The following NBAS variants were observed in gnomAD, a reference collection of about 807,000 sequenced individuals.
NBAS encodes the protein NAG/BC035112 fusion.
Under a neutral mutation model 302.5 loss-of-function variants are expected in NBAS, and 219 were observed. The ratio of observed to expected loss-of-function variants is 0.72; its 90% CI spans 0.65 to 0.81. The LOEUF (loss-of-function observed/expected upper bound fraction) is 0.81. NBAS is among the 30% of genes least tolerant of loss of function. The pLI is 0.00. For synonymous variants in NBAS, 1,118 were observed against 1,021.6 expected (o/e 1.09, Z -1.80); for missense variants, 2,932 against 2,841.6 (o/e 1.03, Z -0.72).
the NBAS span, among the ~76,000 whole-genome samples, chr2:14,831,871 T>C: frequency 6.6e-6 from 1 of 152,196 alleles, no homozygotes; most frequent in Non-Finnish European, 1.5e-5. Context: ...GCCTGGTGCA[T>C]TGTAGATACT....
At chr2:15,445,941 T>C (rs1253397223) in intron 21 of NBAS, among the ~76,000 whole-genome samples, 1 of 151,124 alleles carries the variant, frequency 6.6e-6, no homozygotes, top group East Asian at 1.9e-4. Context: ...GCATCAATTA[T>C]AGACAAGTCA....
chr2:15,158,797 T>C, the NBAS span, among the ~76,000 whole-genome samples: 1 of 152,120 alleles, frequency 6.6e-6, no homozygotes, highest in Admixed American at 6.5e-5. Context: ...AGAATGCCCT[T>C]CTGGAGGGGG....
At chr2:15,339,813 G>A (rs1309467168) in intron 35 of NBAS, among the ~76,000 whole-genome samples, 2 of 151,850 alleles carry the variant, frequency 1.3e-5, no homozygotes, top group African/African-American at 4.8e-5. Flanking sequence ...GAAGTGAGAG[G>A]ATAAGTCATA....
the NBAS span, among the ~76,000 whole-genome samples, chr2:14,786,858 T>C: frequency 0.016 from 2,361 of 152,274 alleles, 34 homozygotes; most frequent in Non-Finnish European, 0.023. Context: ...CAGAGCTGAG[T>C]TCAATTCCTG....
At chr2:15,539,093 C>T (rs1405413611) in intron 7 of NBAS, 130 bp downstream of exon 7, 16 of 1,216,892 alleles carry the variant, frequency 1.3e-5, no homozygotes, top group Non-Finnish European at 7.1e-6. Context: ...AGATTCTGGG[C>T]GTCTTAAGTC....
intron 48 of NBAS, among the ~76,000 whole-genome samples, chr2:15,212,241 C>T (rs1666445819): frequency 1.3e-5 from 2 of 151,890 alleles, no homozygotes; most frequent in African/African-American, 2.4e-5. Context: ...CCAGCCAGAC[C>T]TCTCCAGTCC....
the NBAS span, among the ~76,000 whole-genome samples, chr2:15,038,649 G>A: frequency 2.6e-5 from 4 of 152,124 alleles, no homozygotes; most frequent in South Asian, 6.2e-4. Flanking sequence ...TGTCAGGTGG[G>A]TTTGCAGAGT....
At chr2:15,276,718 A>T in intron 43 of NBAS, 133 bp downstream of exon 43, 1 of 1,321,412 alleles carries the variant, frequency 7.6e-7, no homozygotes, top group East Asian at 2.5e-5. Flanking sequence ...ATAATAACTA[A>T]AGTCGATTAG....
chr2:14,813,926 C>T, the NBAS span, among the ~76,000 whole-genome samples: 80 of 152,318 alleles, frequency 5.3e-4, no homozygotes, highest in Non-Finnish European at 7.2e-4. Flanking sequence ...CCCCACTGTT[C>T]GAAGCAGCCT....
At chr2:15,205,544 C>T (rs10195777) in intron 48 of NBAS, among the ~76,000 whole-genome samples, 37,474 of 151,720 alleles carry the variant, frequency 0.25, 4,712 homozygotes, top group Middle Eastern at 0.31. Flanking sequence ...ACAACATACG[C>T]TCAAAATAAA....
At chr2:15,482,772 T>C (rs1680482265) in intron 12 of NBAS, among the ~76,000 whole-genome samples, 1 of 152,146 alleles carries the variant, frequency 6.6e-6, no homozygotes, top group South Asian at 2.1e-4. Context: ...AATTTATCTT[T>C]ACATCTTCCA....
the NBAS span, among the ~76,000 whole-genome samples, chr2:15,029,363 C>T: frequency 6.6e-6 from 1 of 152,168 alleles, no homozygotes; most frequent in Admixed American, 6.5e-5. Flanking sequence ...ATCCTGAAAT[C>T]AGCTGATACA....
the NBAS span, among the ~76,000 whole-genome samples, chr2:15,157,852 T>C: frequency 1.3e-5 from 2 of 152,210 alleles, no homozygotes; most frequent in African/African-American, 4.8e-5. Context: ...TAGCCTCCCT[T>C]GCCTCTGTGT....
At chr2:14,855,080 C>T in the NBAS span, among the ~76,000 whole-genome samples, 47 of 152,036 alleles carry the variant, frequency 3.1e-4, no homozygotes, top group Non-Finnish European at 5.6e-4. Flanking sequence ...AGGATACACC[C>T]CAGCCACAGC....
intron 25 of NBAS, among the ~76,000 whole-genome samples, chr2:15,413,563 A>AAAG (rs1676783417): frequency 6.6e-6 from 1 of 152,232 alleles, no homozygotes; most frequent in African/African-American, 2.4e-5. Context: ...CAAAGGAAAC[A>AAAG]GTCTGTAACA....
At chr2:15,126,060 G>A in the NBAS span, among the ~76,000 whole-genome samples, 1 of 152,136 alleles carries the variant, frequency 6.6e-6, no homozygotes, top group Non-Finnish European at 1.5e-5. Context: ...CTGGTGGGAG[G>A]TGTTTTGGAT....
chr2:15,366,336 T>G (rs986329264), intron 32 of NBAS, among the ~76,000 whole-genome samples: 1 of 152,164 alleles, frequency 6.6e-6, no homozygotes, highest in African/African-American at 2.4e-5. Flanking sequence ...TATTGGCACA[T>G]TTTTATAACA....
chr2:15,171,552 A>T (rs1202188414), intron 51 of NBAS, among the ~76,000 whole-genome samples: 1 of 152,210 alleles, frequency 6.6e-6, no homozygotes, highest in Non-Finnish European at 1.5e-5. Context: ...TATTACTGAA[A>T]CACTACCATG....
chr2:14,784,506 G>A, the NBAS span, among the ~76,000 whole-genome samples: 1 of 152,184 alleles, frequency 6.6e-6, no homozygotes, highest in Non-Finnish European at 1.5e-5. Context: ...AAGGTGTAAT[G>A]AATGGATTCA....
Sources: gnomAD v4.1 joint callset for allele counts (sites outside exome capture counted in the v4.1 genomes callset) on GRCh38, gnomAD v4.1.1 for gene constraint, MANE v1.5 for transcripts, NCBI Gene and HGNC (gene_info 2026-07-23, HGNC 2026-07-21) for gene names.